The following EXD3 variants were observed in gnomAD, a reference collection of about 807,000 sequenced individuals.
The protein encoded by EXD3 is exonuclease mut-7 homolog.
In EXD3, 92 loss-of-function variants were observed where a neutral mutation model predicts 98.0. The observed-to-expected ratio is 0.94, with a 90% confidence interval of 0.79 to 1.12. The LOEUF is 1.12. Ranked by LOEUF, EXD3 falls within the 50% of genes most tolerant of loss-of-function variation. EXD3 has a pLI of 0.00. For synonymous variants in EXD3, 569 were observed against 526.0 expected, an observed-to-expected ratio of 1.08 and a Z score of -1.12; for missense variants, 1,222 against 1,191.6, an observed-to-expected ratio of 1.03 and a Z score of -0.38.
intron 17 of EXD3, among the ~76,000 whole-genome samples, chr9:137,328,818 A>G (rs62644237): frequency 0.034 from 28 of 834 alleles, 1 homozygote; most frequent in African/African-American, 0.054. Flanking sequence ...GGGACTACAC[A>G]GGGTCACACG....
chr9:137,374,842 C>T (rs1297425773), intron 3 of EXD3: 4 of 985,404 alleles, frequency 4.1e-6, no homozygotes, highest in South Asian at 4.7e-5. Context: ...CTTGAAGGAG[C>T]TCCAGGAACT....
intron 8 of EXD3, 116 bp from the exon 9 acceptor site, chr9:137,354,889 C>T (rs62588271): frequency 7.6e-6 from 8 of 1,046,158 alleles, no homozygotes; most frequent in Non-Finnish European, 1.1e-5. Flanking sequence ...CCGTCCTCCA[C>T]CTCTGCCCCG....
Position 137,352,084 on chromosome 9 carries a change from G to A in EXD3, c.1155C>T (p.His385=), listed in dbSNP as rs758908983. The A allele has an allele frequency of 3.1e-6, 5 of 1,612,108 alleles. No homozygotes were observed. The highest frequency in any genetic ancestry group is 2.2e-5 in the East Asian group (1 of 44,886). The change falls in exon 12 of 22, where the codon CAC becomes CAT. Residue 385 remains histidine, a synonymous_variant. Transcript: ENST00000340951. ...GAACCACCTGCAGGAGTGCACCCTC[G>A]TGTCTGGTCAGGTCTTCCCACGAGG... The part of the protein sequence containing the change: ...LLASWEDLTR[H]EGALLQCHQV...
chr9:137,383,115 G>C (rs1836401885), intron 3 of EXD3, among the ~76,000 whole-genome samples, 198 bp downstream of exon 3: 1 of 152,190 alleles, frequency 6.6e-6, no homozygotes, highest in Admixed American at 6.5e-5. Context: ...TACCACCCTG[G>C]GGACTTGAGG....
intron 17 of EXD3, among the ~76,000 whole-genome samples, chr9:137,337,375 G>T (rs1833408497): frequency 6.6e-6 from 1 of 152,166 alleles, no homozygotes; most frequent in Admixed American, 6.5e-5. Flanking sequence ...GATTTAGGCT[G>T]GGTGCGGTGG....
Position 137,382,140 on chromosome 9 carries a change from G to T in EXD3, c.120+1173C>A, listed in dbSNP as rs866349167. Reference sequence around the variant, plus strand: ...GTGGAGGTGAGGGCGCGGGGAGGAGGTGAGGGCGCGGGGAGGAGGTGGGAG... The same window carrying T: ...GTGGAGGTGAGGGCGCGGGGAGGAGTTGAGGGCGCGGGGAGGAGGTGGGAG... On this transcript the variant is annotated intron_variant, in intron 3 of 21. Coordinates refer to ENST00000340951, the MANE Select transcript of EXD3 (RefSeq NM_017820.5). Among the ~76,000 whole-genome samples the T allele has an allele frequency of 4.1e-5, 6 of 146,970 alleles. No individual in the cohort carries two copies. The South Asian group carries it at 1.3e-3, about 33-fold the overall frequency.
intron 10 of EXD3, chr9:137,353,399 GCTC>G (rs746332190): frequency 7.4e-5 from 73 of 985,112 alleles, no homozygotes; most frequent in Non-Finnish European, 8.2e-5. Flanking sequence ...CCATCTCCAC[GCTC>G]CTCCTCTTGC....
intron 17 of EXD3, among the ~76,000 whole-genome samples, chr9:137,335,540 T>G (rs1222356262): frequency 1.3e-5 from 2 of 151,734 alleles, no homozygotes; most frequent in South Asian, 4.2e-4. Context: ...ATTAGCCAGG[T>G]GTGGTGGCAG....
chr9:137,312,596 C>T (rs1831423188), intron 19 of EXD3, among the ~76,000 whole-genome samples: 1 of 152,210 alleles, frequency 6.6e-6, no homozygotes, highest in South Asian at 2.1e-4. Flanking sequence ...GCCCTCTCCT[C>T]TCCAGGCCCA....
intron 17 of EXD3, among the ~76,000 whole-genome samples, chr9:137,336,379 G>A (rs1312123061): frequency 2.6e-5 from 4 of 152,018 alleles, no homozygotes; most frequent in Admixed American, 6.6e-5. Flanking sequence ...AACATTTCTC[G>A]GCCATGTGTG....
intron 17 of EXD3, among the ~76,000 whole-genome samples, chr9:137,330,425 G>GCTACACAGGACTACACAGGA (rs1160856144): frequency 8.7e-6 from 1 of 115,244 alleles, no homozygotes; most frequent in East Asian, 3.3e-4. Flanking sequence ...CTACACAGGA[G>GCTACACAGGACTACACAGGA]CTACACAGGA....
intron 3 of EXD3, among the ~76,000 whole-genome samples, chr9:137,375,208 C>T (rs555582049): frequency 4.3e-4 from 66 of 152,294 alleles, no homozygotes; most frequent in Middle Eastern, 3.4e-3. Flanking sequence ...GGGGTTTCAC[C>T]GTGTTAGCCA....
At chr9:137,346,685 T>C (rs554379640) in intron 17 of EXD3, among the ~76,000 whole-genome samples, 26 of 152,298 alleles carry the variant, frequency 1.7e-4, no homozygotes, top group African/African-American at 6.0e-4. Flanking sequence ...TTCAAGGCCC[T>C]CTAGGCTTTT....
chr9:137,374,871 G>C, intron 3 of EXD3: 5 of 985,440 alleles, frequency 5.1e-6, no homozygotes, highest in Non-Finnish European at 6.0e-6. Flanking sequence ...GCCCTAGTGA[G>C]TTCTAACTCT....
chr9:137,341,066 A>G (rs1274361412), intron 17 of EXD3, among the ~76,000 whole-genome samples: 3 of 152,250 alleles, frequency 2.0e-5, no homozygotes, highest in Non-Finnish European at 4.4e-5. Flanking sequence ...CTGTAATCCC[A>G]GCACTTTGGG....
At position 137,349,311 on chromosome 9, in the gene EXD3, G is replaced by A. The variant is rs77484137; in HGVS notation, c.1658-29C>T. 20 of 1,552,410 alleles carry A rather than the reference G, an allele frequency of 1.3e-5. No homozygotes were observed. The highest frequency in any genetic ancestry group is 1.7e-4 in the Middle Eastern group (1 of 5,976). On this transcript the variant is annotated intron_variant, in intron 15 of 21. Coordinates refer to ENST00000340951, the MANE Select transcript of EXD3 (RefSeq NM_017820.5). The surrounding 1 kb of genome is among the most constrained non-coding windows in gnomAD (Gnocchi z 7.4). ...TGTGGGGAGTCGGCCTCAGCCTCCC[G>A]GGACAGAGGGCGGGAGGGGCGTGAG...
chr9:137,397,675 T>A (rs1837280556), intron 1 of EXD3, among the ~76,000 whole-genome samples: 1 of 152,174 alleles, frequency 6.6e-6, no homozygotes. Flanking sequence ...AGAAAACATG[T>A]TCAAACAGTT....
intron 3 of EXD3, among the ~76,000 whole-genome samples, chr9:137,375,594 G>T (rs1246914662): frequency 1.3e-5 from 2 of 150,686 alleles, no homozygotes; most frequent in African/African-American, 4.9e-5. Context: ...GTGAGTTCTA[G>T]GCCTAGTGAG....
chr9:137,327,425 GC>G (rs1832484292), intron 17 of EXD3, among the ~76,000 whole-genome samples: 1 of 152,116 alleles, frequency 6.6e-6, no homozygotes, highest in Non-Finnish European at 1.5e-5. Flanking sequence ...GAGCCACCGC[GC>G]CCGGCCAGTA....
Sources: allele counts gnomAD v4.1 joint callset (sites outside exome capture counted in the v4.1 genomes callset), GRCh38; gene constraint gnomAD v4.1.1; non-coding constraint Gnocchi (gnomAD v3.1); transcripts MANE v1.5; gene names NCBI Gene and HGNC (gene_info 2026-07-23, HGNC 2026-07-21).